EPHB1: variants seen among roughly 807,000 people sequenced by gnomAD.
The protein encoded by EPHB1 is EPH receptor B1.
A neutral mutation model predicts 94.4 loss-of-function variants in EPHB1; 30 were observed. The ratio of observed to expected loss-of-function variants is 0.32; its 90% CI spans 0.24 to 0.43. EPHB1 has a LOEUF of 0.43. EPHB1 is among the 20% of genes least tolerant of loss of function. The pLI, the probability that EPHB1 is intolerant of heterozygous loss-of-function variation, is 1.00. For missense variants in EPHB1, 1,055 were observed against 1,308.3 expected, an observed-to-expected ratio of 0.81 and a Z score of 2.99; for synonymous variants, 522 against 489.1, an observed-to-expected ratio of 1.07 and a Z score of -0.89.
chr3:134,838,919 A>G (rs373417666), intron 1 of EPHB1, among the ~76,000 whole-genome samples: 2 of 152,242 alleles, frequency 1.3e-5, no homozygotes, highest in African/African-American at 4.8e-5. Flanking sequence ...AAAAGCATCA[A>G]GAACAAAATA....
chr3:134,872,335 G>C lies in EPHB1; in HGVS notation c.59-53481G>C, dbSNP rs138755398. ...CACATTTGAAAGATAATTCCCATTCGAGGGAGAGGCCCTTTGTGAGCAGTC... is the reference window on the plus strand; with the variant it reads ...CACATTTGAAAGATAATTCCCATTCCAGGGAGAGGCCCTTTGTGAGCAGTC... On this transcript the variant is annotated intron_variant, in intron 1 of 15. Transcript: ENST00000398015. Among the ~76,000 whole-genome samples the C allele has an allele frequency of 3.2e-3, 495 of 152,330 alleles. 7 individuals carry two copies. Among genetic ancestry groups the C allele is most frequent in the Middle Eastern group, 0.02 (6 of 294 alleles).
chr3:135,000,593 A>C (rs1935141132), intron 3 of EPHB1, among the ~76,000 whole-genome samples: 1 of 152,192 alleles, frequency 6.6e-6, no homozygotes, highest in Non-Finnish European at 1.5e-5. Flanking sequence ...TCTAGAACTC[A>C]ATTCCTAGTA....
intron 1 of EPHB1, among the ~76,000 whole-genome samples, chr3:134,909,504 G>A (rs2038408914): frequency 6.6e-6 from 1 of 152,224 alleles, no homozygotes; most frequent in Non-Finnish European, 1.5e-5. Flanking sequence ...GCCAGGCCCA[G>A]ACTTAGGGCC....
intron 3 of EPHB1, among the ~76,000 whole-genome samples, chr3:134,960,156 T>C (rs1034354849): frequency 2.0e-5 from 3 of 151,916 alleles, no homozygotes; most frequent in Non-Finnish European, 4.4e-5. Context: ...CTTTGGGCCA[T>C]TGATGAGTTG....
At chr3:135,120,916 C>T (rs898404617) in intron 4 of EPHB1, among the ~76,000 whole-genome samples, 1 of 152,120 alleles carries the variant, frequency 6.6e-6, no homozygotes, top group Non-Finnish European at 1.5e-5. Flanking sequence ...TGTGGAGATG[C>T]AGGACTCCTC....
At chr3:135,005,355 C>T (rs1935358708) in intron 3 of EPHB1, among the ~76,000 whole-genome samples, 2 of 152,340 alleles carry the variant, frequency 1.3e-5, no homozygotes, top group South Asian at 4.1e-4. Context: ...CCACTGCTCT[C>T]TTCAAAGCTG....
intron 3 of EPHB1, among the ~76,000 whole-genome samples, chr3:134,984,791 G>C (rs1160149291): frequency 6.6e-6 from 1 of 152,178 alleles, no homozygotes; most frequent in African/African-American, 2.4e-5. Context: ...GGGGAGTAAT[G>C]GGGGGAAAGC....
At chr3:135,032,379 T>G (rs1936506578) in intron 3 of EPHB1, among the ~76,000 whole-genome samples, 1 of 152,168 alleles carries the variant, frequency 6.6e-6, no homozygotes, top group Non-Finnish European at 1.5e-5. Flanking sequence ...CTAAGACATT[T>G]ATTTTCATAG....
At chr3:134,836,545 A>G (rs1313151721) in intron 1 of EPHB1, among the ~76,000 whole-genome samples, 1 of 152,212 alleles carries the variant, frequency 6.6e-6, no homozygotes, top group Admixed American at 6.5e-5. Context: ...TAAAAACTAC[A>G]CTTCATTAGG....
intron 1 of EPHB1, among the ~76,000 whole-genome samples, chr3:134,843,736 A>G (rs2036818160): frequency 6.6e-6 from 1 of 152,038 alleles, no homozygotes; most frequent in Admixed American, 6.5e-5. Context: ...TTTAGTTTTA[A>G]AAATAATTTC....
chr3:134,872,972 G>A (rs1458013208), intron 1 of EPHB1, among the ~76,000 whole-genome samples: 3 of 152,148 alleles, frequency 2.0e-5, no homozygotes, highest in Admixed American at 1.3e-4. Context: ...GGGATGGACC[G>A]GGGAATATCT....
At chr3:135,227,916 C>T (rs572706182) in intron 12 of EPHB1, among the ~76,000 whole-genome samples, 87 of 152,200 alleles carry the variant, frequency 5.7e-4, no homozygotes, top group Non-Finnish European at 1.0e-3. Context: ...TTTCTGAACT[C>T]TTGGAAGATA....
intron 2 of EPHB1, among the ~76,000 whole-genome samples, chr3:134,943,261 G>A (rs751038866): frequency 7.2e-5 from 11 of 152,210 alleles, no homozygotes; most frequent in African/African-American, 1.9e-4. Context: ...TAAAAGAAGG[G>A]CATCAGGGTC....
chr3:135,076,340 A>G (rs545289705), intron 3 of EPHB1, among the ~76,000 whole-genome samples: 1 of 151,980 alleles, frequency 6.6e-6, no homozygotes, highest in Non-Finnish European at 1.5e-5. Flanking sequence ...TTCAGCAAAG[A>G]AGATACACAA....
intron 5 of EPHB1, among the ~76,000 whole-genome samples, chr3:135,145,492 T>C (rs1028649334): frequency 2.6e-5 from 4 of 152,176 alleles, no homozygotes; most frequent in Admixed American, 6.5e-5. Flanking sequence ...GTTGGGGAGA[T>C]AGAAAATGGA....
chr3:134,976,955 C>A (rs1934216663), intron 3 of EPHB1, among the ~76,000 whole-genome samples: 1 of 152,208 alleles, frequency 6.6e-6, no homozygotes, highest in South Asian at 2.1e-4. Context: ...AAACCCAGTT[C>A]ATCAACATTA....
intron 3 of EPHB1, among the ~76,000 whole-genome samples, chr3:135,011,271 T>C (rs180853353): frequency 3.4e-4 from 52 of 152,338 alleles, no homozygotes; most frequent in South Asian, 2.1e-3. Flanking sequence ...TTTACTTCTT[T>C]TAGGTCATTT....
intron 3 of EPHB1, among the ~76,000 whole-genome samples, chr3:135,097,110 A>G (rs112105297): frequency 0.22 from 31,167 of 143,370 alleles, 4,353 homozygotes; most frequent in Non-Finnish European, 0.31. Context: ...AAAAAAAAAA[A>G]AAAAAGAAAA....
chr3:135,194,429 A>G lies in EPHB1; in HGVS notation c.2130+1606A>G, dbSNP rs116269550. 8.8e-3 allele frequency among the ~76,000 whole-genome samples: 1,339 copies of G among 152,374 alleles called. 8 individuals carry two copies. Among genetic ancestry groups the G allele is most frequent in the Non-Finnish European group, 0.014 (969 of 68,022 alleles). ...AGGCTTCAAAGAGGAGGAAGAATTT[A>G]TCTGAGATTAGAGAATGAGGAATTT... is the stretch of plus-strand genomic sequence containing the variant. On this transcript the variant is annotated intron_variant, in intron 11 of 15. Transcript: ENST00000398015.
Sources: gnomAD v4.1 joint callset for allele counts (sites outside exome capture counted in the v4.1 genomes callset) on GRCh38, gnomAD v4.1.1 for gene constraint, MANE v1.5 for transcripts, NCBI Gene and HGNC (gene_info 2026-07-23, HGNC 2026-07-21) for gene names.